PDLIM5: variants seen among roughly 807,000 people sequenced by gnomAD.
The protein encoded by PDLIM5 is PDZ and LIM domain protein 5.
PDLIM5 carries 34 observed loss-of-function variants against 64.2 expected under a neutral mutation model. The observed-to-expected ratio is 0.53, with a 90% confidence interval of 0.40 to 0.71. The LOEUF (loss-of-function observed/expected upper bound fraction) is 0.71, where lower values mean the gene tolerates loss of function less well. Ranked by LOEUF, PDLIM5 falls within the 30% of genes least tolerant of loss-of-function variation. The probability of loss-of-function intolerance (pLI) is 0.00; values close to 1 mark genes in which losing one functional copy is unlikely to be tolerated. For synonymous variants in PDLIM5, 253 were observed against 269.1 expected, an observed-to-expected ratio of 0.94 and a Z score of 0.59; for missense variants, 683 against 733.6, an observed-to-expected ratio of 0.93 and a Z score of 0.80.
chr4:94,622,824 C>T (rs1323172255), intron 8 of PDLIM5, among the ~76,000 whole-genome samples: 1 of 152,040 alleles, frequency 6.6e-6, no homozygotes, highest in Non-Finnish European at 1.5e-5. Flanking sequence ...GTGCCTGCCA[C>T]CACACCCAGC....
At chr4:94,498,290 A>G (rs1304002057) in intron 2 of PDLIM5, among the ~76,000 whole-genome samples, 1 of 152,222 alleles carries the variant, frequency 6.6e-6, no homozygotes, top group Non-Finnish European at 1.5e-5. Context: ...AAATAAATTT[A>G]TTTAATAGAG....
chr4:94,583,964 A>G (rs984850735), intron 5 of PDLIM5, among the ~76,000 whole-genome samples: 1 of 152,244 alleles, frequency 6.6e-6, no homozygotes, highest in Non-Finnish European at 1.5e-5. Context: ...AATGACTTGC[A>G]TAAAGCACAC....
intron 10 of PDLIM5, 111 bp downstream of exon 10, chr4:94,654,751 C>G: frequency 1.4e-6 from 1 of 694,940 alleles, no homozygotes; most frequent in Non-Finnish European, 2.5e-6. Context: ...TTTATGCCCT[C>G]TCTGCTTTCG....
chr4:94,644,801 A>G (rs565518180), intron 9 of PDLIM5, among the ~76,000 whole-genome samples: 3 of 152,178 alleles, frequency 2.0e-5, no homozygotes, highest in Non-Finnish European at 4.4e-5. Flanking sequence ...TCGGCCTCCC[A>G]AAATGCTGGG....
At chr4:94,663,055 A>T (rs1742866927) in intron 12 of PDLIM5, among the ~76,000 whole-genome samples, 1 of 152,122 alleles carries the variant, frequency 6.6e-6, no homozygotes, top group African/African-American at 2.4e-5. Flanking sequence ...TTGATATTTT[A>T]ATATTTTTGG....
intron 3 of PDLIM5, among the ~76,000 whole-genome samples, chr4:94,572,759 T>C (rs992398834): frequency 6.6e-6 from 1 of 152,208 alleles, no homozygotes; most frequent in African/African-American, 2.4e-5. Flanking sequence ...TCTGAAATTA[T>C]AGTCTAGTAG....
chr4:94,499,860 TG>T (rs1399182109), intron 2 of PDLIM5, among the ~76,000 whole-genome samples: 3 of 152,196 alleles, frequency 2.0e-5, no homozygotes, highest in Non-Finnish European at 4.4e-5. Context: ...GCAAGGGATC[TG>T]GGTTGCAGGC....
intron 5 of PDLIM5, among the ~76,000 whole-genome samples, chr4:94,584,127 T>C (rs1735968574): frequency 6.6e-6 from 1 of 152,230 alleles, no homozygotes; most frequent in Admixed American, 6.5e-5. Context: ...TATGATTTTC[T>C]CACAGTGAGT....
chr4:94,480,902 C>T (rs951635422), intron 2 of PDLIM5, among the ~76,000 whole-genome samples: 1 of 152,198 alleles, frequency 6.6e-6, no homozygotes, highest in Non-Finnish European at 1.5e-5. Context: ...ATTTTAAACA[C>T]TCCTCTTCCC....
intron 5 of PDLIM5, chr4:94,584,912 T>C: frequency 1.1e-6 from 1 of 951,768 alleles, no homozygotes; most frequent in Non-Finnish European, 1.6e-6. Flanking sequence ...TTTTCTTTTT[T>C]TCTTATCATT....
At chr4:94,574,059 A>G (rs1455187647) in intron 4 of PDLIM5, among the ~76,000 whole-genome samples, 1 of 152,202 alleles carries the variant, frequency 6.6e-6, no homozygotes, top group African/African-American at 2.4e-5. Flanking sequence ...ATGCTCCTGC[A>G]TTCTACAAAG....
intron 2 of PDLIM5, among the ~76,000 whole-genome samples, chr4:94,458,301 T>G (rs919967141): frequency 6.6e-6 from 1 of 152,148 alleles, no homozygotes; most frequent in Non-Finnish European, 1.5e-5. Flanking sequence ...GAAAGCATGC[T>G]TAAAACATGT....
intron 7 of PDLIM5, among the ~76,000 whole-genome samples, chr4:94,610,719 TTG>T (rs1225621545): frequency 4.6e-5 from 7 of 152,140 alleles, no homozygotes; most frequent in African/African-American, 1.4e-4. Flanking sequence ...AAAAATAAAA[TTG>T]TGTCCTTCCC....
At chr4:94,491,392 C>G (rs1249904210) in intron 2 of PDLIM5, among the ~76,000 whole-genome samples, 1 of 152,070 alleles carries the variant, frequency 6.6e-6, no homozygotes, top group East Asian at 1.9e-4. Flanking sequence ...ATTTCCAGTT[C>G]TATTTAAATC....
rs1360597869 is a variant in PDLIM5 at position 94,455,651 on chromosome 4, T to C, written c.96+267T>C. 13 of 777,130 alleles carry C rather than the reference T, an allele frequency of 1.7e-5. No individual in the cohort carries two copies. The East Asian group carries it at 3.5e-4, about 21-fold the overall frequency. The allele number at this position is 777,130 out of a possible 1,614,324, so 48.1% of individuals were successfully genotyped here. On this transcript the variant is annotated intron_variant, in intron 2 of 12. Coordinates refer to ENST00000317968, the MANE Select transcript of PDLIM5 (RefSeq NM_006457.5). ...TTAACTAGGAACAGACTGTACATTTTTGAACTGTCCCTAATTTGGGGAATT... is the reference window on the plus strand; with the variant it reads ...TTAACTAGGAACAGACTGTACATTTCTGAACTGTCCCTAATTTGGGGAATT...
intron 12 of PDLIM5, among the ~76,000 whole-genome samples, chr4:94,663,708 A>T (rs551259654): frequency 6.6e-6 from 1 of 152,332 alleles, no homozygotes; most frequent in East Asian, 1.9e-4. Context: ...TTAGGGATAA[A>T]TCTTCCCTCT....
intron 9 of PDLIM5, among the ~76,000 whole-genome samples, chr4:94,649,414 T>G (rs1741672520): frequency 6.6e-6 from 1 of 152,198 alleles, no homozygotes; most frequent in Non-Finnish European, 1.5e-5. Flanking sequence ...GTGTTCCTGG[T>G]CACCTATTTA....
chr4:94,636,574 T>C (rs1390381364), intron 8 of PDLIM5, among the ~76,000 whole-genome samples: 1 of 149,224 alleles, frequency 6.7e-6, no homozygotes, highest in Non-Finnish European at 1.5e-5. Context: ...AGTCTTGCTC[T>C]GTCGCCCAGG....
intron 2 of PDLIM5, among the ~76,000 whole-genome samples, chr4:94,505,769 G>C (rs912528430): frequency 5.3e-5 from 8 of 152,184 alleles, no homozygotes; most frequent in Non-Finnish European, 1.0e-4. Flanking sequence ...TATGAAAAGG[G>C]GAACAGCGCT....
Sources: allele counts gnomAD v4.1 joint callset (sites outside exome capture counted in the v4.1 genomes callset), GRCh38; gene constraint gnomAD v4.1.1; transcripts MANE v1.5; gene names NCBI Gene and HGNC (gene_info 2026-07-23, HGNC 2026-07-21).